TMEM62: variants seen among roughly 807,000 people sequenced by gnomAD.
TMEM62 encodes the protein transmembrane protein 62.
A neutral mutation model predicts 70.4 loss-of-function variants in TMEM62; 41 were observed. The observed-to-expected ratio is 0.58, with a 90% confidence interval of 0.45 to 0.76. The LOEUF is 0.76. TMEM62 is among the 30% of genes least tolerant of loss of function. The pLI is 0.00. For synonymous variants in TMEM62, 268 were observed against 291.0 expected (o/e 0.92, Z 0.80); for missense variants, 688 against 788.5 (o/e 0.87, Z 1.53).
rs987542269 is a variant in TMEM62, at chr15:43,133,743, G to C, written c.-60G>C. 5 of 1,218,900 alleles carry C rather than the reference G, an allele frequency of 4.1e-6. No homozygotes were observed. The highest frequency in any genetic ancestry group is 5.2e-6 in the Non-Finnish European group (5 of 960,066). The allele number at this position is 1,218,900 out of a possible 1,614,324, so 75.5% of individuals were successfully genotyped here. A position where few individuals can be genotyped will look rare whatever the true frequency, so the allele number is the denominator to read the frequency against. On this transcript the variant is annotated 5_prime_UTR_variant, in exon 1 of 14. Coordinates refer to ENST00000260403, the MANE Select transcript of TMEM62 (RefSeq NM_024956.4). ...CGGAAGTGCAGGCAAAGCGGCTCCC[G>C]GGAGCGCCGCGCGGTCCTGCGCGGG...
In TMEM62 at chr15:43,133,734, G is replaced by A; in HGVS notation, c.-69G>A. 8.7e-7 allele frequency: 1 copy of A among 1,150,722 alleles called. No homozygotes were observed. Among genetic ancestry groups the A allele is most frequent in the East Asian group, 3.3e-5 (1 of 30,404 alleles). 71.3% of individuals were successfully genotyped at this position (1,150,722 alleles called of 1,614,324 possible). On this transcript the variant is annotated 5_prime_UTR_variant, in exon 1 of 14. Coordinates refer to ENST00000260403, the MANE Select transcript of TMEM62 (RefSeq NM_024956.4). ...AATAGAGTCCGGAAGTGCAGGCAAAGCGGCTCCCGGGAGCGCCGCGCGGTC... is the reference window on the plus strand; with the variant it reads ...AATAGAGTCCGGAAGTGCAGGCAAAACGGCTCCCGGGAGCGCCGCGCGGTC...
rs371586976 is a variant in TMEM62, at chr15:43,165,602, G to A, written c.1297-3991G>A. On this transcript the variant is annotated intron_variant, in intron 10 of 13. Coordinates refer to ENST00000260403, the MANE Select transcript of TMEM62 (RefSeq NM_024956.4). ...CAAAAAATTAGCCCGGTGTGGTGGC[G>A]GGCACCTGTAGTCTCAGCTACTCGG... Among the ~76,000 whole-genome samples, 19 of 151,884 alleles carry A rather than the reference G, an allele frequency of 1.3e-4. 1 individual carries two copies. In the South Asian group the frequency reaches 2.7e-3, roughly 22 times the overall value.
At chr15:43,169,397 C>T (rs1357816051) in intron 10 of TMEM62, among the ~76,000 whole-genome samples, 196 bp from the exon 11 acceptor site, 1 of 152,168 alleles carries the variant, frequency 6.6e-6, no homozygotes, top group Non-Finnish European at 1.5e-5. Flanking sequence ...ACAATATGCT[C>T]CTATCCTTGT....
chr15:43,178,251 G>A (rs1158517797), intron 11 of TMEM62, among the ~76,000 whole-genome samples: 1 of 151,826 alleles, frequency 6.6e-6, no homozygotes, highest in African/African-American at 2.4e-5. Flanking sequence ...GCTCTGGTAG[G>A]TGTGTCCATT....
chr15:43,135,811 A>C (rs1419617859), intron 3 of TMEM62, 162 bp downstream of exon 3: 28 of 763,730 alleles, frequency 3.7e-5, no homozygotes, highest in Non-Finnish European at 4.9e-5. Flanking sequence ...TAAAACTTCA[A>C]ATGTCATTGT....
chr15:43,134,212 C>G (rs1306686333), intron 1 of TMEM62, 45 bp from the exon 2 acceptor site: 2 of 1,592,798 alleles, frequency 1.3e-6, no homozygotes, highest in East Asian at 4.5e-5. Flanking sequence ...CCCATGCTGC[C>G]TCTTCCTGGC....
At chr15:43,182,137 A>T (rs754778186) in intron 13 of TMEM62, among the ~76,000 whole-genome samples, 1 of 152,242 alleles carries the variant, frequency 6.6e-6, no homozygotes, top group Non-Finnish European at 1.5e-5. Flanking sequence ...AAATAAACAC[A>T]CAAAGAACCT....
intron 13 of TMEM62, among the ~76,000 whole-genome samples, chr15:43,183,757 A>G (rs923113049): frequency 6.6e-6 from 1 of 152,180 alleles, no homozygotes; most frequent in African/African-American, 2.4e-5. Context: ...TGCCTGCTAC[A>G]TAATGGGTGC....
intron 11 of TMEM62, among the ~76,000 whole-genome samples, chr15:43,174,700 A>G (rs1413122272): frequency 9.9e-5 from 15 of 152,262 alleles, no homozygotes. Context: ...AATAAGAGAT[A>G]GAGGAGAGAC....
intron 11 of TMEM62, among the ~76,000 whole-genome samples, chr15:43,178,084 T>C (rs1174163567): frequency 1.3e-5 from 2 of 150,956 alleles, no homozygotes; most frequent in Non-Finnish European, 2.9e-5. Flanking sequence ...AGAATGAAGA[T>C]ATTTTGATAT....
In TMEM62 at chr15:43,184,553, C is replaced by T; in HGVS notation, c.1899C>T (p.Phe633=). ...TGAACTCCACCAAGTTTGGAATCTTCATGGTGCAGTTAAAAAGCCACCTGA... is the reference window on the plus strand; with the variant it reads ...TGAACTCCACCAAGTTTGGAATCTTTATGGTGCAGTTAAAAAGCCACCTGA... ...WTLNSTKFGI[F]MVQLKSHLSS Residue 633 remains phenylalanine, a synonymous_variant, in exon 14 of 14, where the codon TTC becomes TTT. Transcript: ENST00000260403. 4 of 1,611,874 alleles carry T rather than the reference C, an allele frequency of 2.5e-6. No homozygotes were observed. The highest frequency in any genetic ancestry group is 3.4e-6 in the Non-Finnish European group (4 of 1,180,014).
rs564681747 is a variant in TMEM62 at position 43,167,146 on chromosome 15, C to T, written c.1297-2447C>T. Among the ~76,000 whole-genome samples the T allele has an allele frequency of 1.2e-4, 18 of 149,832 alleles. No homozygotes were observed. In the East Asian group the frequency reaches 1.8e-3, roughly 15 times the overall value. On this transcript the variant is annotated intron_variant, in intron 10 of 13. Coordinates refer to ENST00000260403, the MANE Select transcript of TMEM62 (RefSeq NM_024956.4). ...GGCGCCCCTCACCTCCCGGACTGGGCGGCTGGCCAGGCGGGGGGCTGACCC... is the reference window on the plus strand; with the variant it reads ...GGCGCCCCTCACCTCCCGGACTGGGTGGCTGGCCAGGCGGGGGGCTGACCC...
intron 10 of TMEM62, among the ~76,000 whole-genome samples, chr15:43,167,880 G>C (rs927577846): frequency 6.6e-6 from 1 of 152,160 alleles, no homozygotes; most frequent in African/African-American, 2.4e-5. Flanking sequence ...CCGGCACCTC[G>C]GGAGGCCGAG....
intron 4 of TMEM62, 91 bp downstream of exon 4, chr15:43,138,710 A>G: frequency 4.5e-6 from 5 of 1,118,584 alleles, no homozygotes; most frequent in Non-Finnish European, 6.6e-6. Flanking sequence ...AAACTTTAAA[A>G]AAACATTTTA....
intron 1 of TMEM62, 40 bp downstream of exon 1, chr15:43,134,022 T>A: frequency 7.0e-7 from 1 of 1,437,738 alleles, no homozygotes; most frequent in Non-Finnish European, 9.1e-7. Context: ...CAGGTGCAGA[T>A]CGGGCACCGT....
chr15:43,151,318 A>AG (rs1277619864), intron 7 of TMEM62, among the ~76,000 whole-genome samples: 1 of 149,594 alleles, frequency 6.7e-6, no homozygotes, highest in African/African-American at 2.5e-5. Flanking sequence ...CTCAAAAATA[A>AG]GAAAAAAAAA....
Position 43,173,341 on chromosome 15 carries a change from A to G in TMEM62, c.1381+3664A>G, listed in dbSNP as rs150393171. Reference sequence around the variant, plus strand: ...TATATCCAGTCTCTCTATCTAATTCATCCTCTTCATTATTAGCCAATTATC... The same window carrying G: ...TATATCCAGTCTCTCTATCTAATTCGTCCTCTTCATTATTAGCCAATTATC... On this transcript the variant is annotated intron_variant, in intron 11 of 13. Coordinates refer to ENST00000260403, the MANE Select transcript of TMEM62 (RefSeq NM_024956.4). Among the ~76,000 whole-genome samples, 588 of 152,230 alleles carry G rather than the reference A, an allele frequency of 3.9e-3. 2 individuals carry two copies. The highest frequency in any genetic ancestry group is 0.014 in the African/African-American group (561 of 41,538).
intron 4 of TMEM62, among the ~76,000 whole-genome samples, chr15:43,145,313 T>C (rs2036537777): frequency 1.3e-5 from 2 of 150,468 alleles, no homozygotes; most frequent in African/African-American, 4.9e-5. Flanking sequence ...CAAGCCATTG[T>C]CCTGCCTCAG....
intron 11 of TMEM62, among the ~76,000 whole-genome samples, chr15:43,176,141 G>A (rs1388869365): frequency 3.9e-5 from 6 of 152,360 alleles, no homozygotes; most frequent in South Asian, 2.1e-4. Context: ...AGGGGCGCCC[G>A]CCATTGCCCA....
Sources: gnomAD v4.1 joint callset for allele counts (sites outside exome capture counted in the v4.1 genomes callset) on GRCh38, gnomAD v4.1.1 for gene constraint, MANE v1.5 for transcripts, NCBI Gene and HGNC (gene_info 2026-07-23, HGNC 2026-07-21) for gene names.